Variants in STXBP5L observed in about 807,000 individuals in gnomAD.
The protein encoded by STXBP5L is syntaxin-binding protein 5-like.
Under a neutral mutation model 144.5 loss-of-function variants are expected in STXBP5L, and 65 were observed. That is an observed-to-expected ratio of 0.45 (90% CI 0.37 to 0.55). STXBP5L has a LOEUF of 0.55. Among genes scored for constraint, STXBP5L ranks in the 20% least tolerant of loss-of-function variants. The pLI is 0.00. For synonymous variants in STXBP5L, 505 were observed against 469.6 expected (o/e 1.08, Z -0.97); for missense variants, 1,298 against 1,405.5 (o/e 0.92, Z 1.22).
At chr3:121,197,715 T>C (rs1347972483) in intron 9 of STXBP5L, among the ~76,000 whole-genome samples, 1 of 152,132 alleles carries the variant, frequency 6.6e-6, no homozygotes, top group Non-Finnish European at 1.5e-5. Flanking sequence ...CCATGTGTTC[T>C]CATTGTCCAA....
rs986932215 is a variant in STXBP5L, at chr3:120,927,658, T to G, written c.189+17891T>G. On this transcript the variant is annotated intron_variant, in intron 2 of 26. Transcript: ENST00000471454. ...TGGGATCACAGATATGGAAATCTTA[T>G]TCTCTTTACTGTCTGCTTGGAGTTT... is the stretch of plus-strand genomic sequence containing the variant. 4.9e-4 allele frequency among the ~76,000 whole-genome samples: 75 copies of G among 152,200 alleles called. 1 individual carries two copies. Among genetic ancestry groups the G allele is most frequent in the African/African-American group, 1.8e-3 (73 of 41,448 alleles).
At chr3:121,295,026 A>G (rs2051593364) in intron 19 of STXBP5L, among the ~76,000 whole-genome samples, 1 of 152,182 alleles carries the variant, frequency 6.6e-6, no homozygotes, top group Non-Finnish European at 1.5e-5. Flanking sequence ...CTTTAAAGAT[A>G]TTTGGTTATG....
chr3:121,286,876 G>C (rs991007701), intron 19 of STXBP5L, among the ~76,000 whole-genome samples: 1 of 152,068 alleles, frequency 6.6e-6, no homozygotes, highest in Non-Finnish European at 1.5e-5. Context: ...ACAATCACAC[G>C]CATTTACTAT....
chr3:121,082,320 T>G (rs1269944330), intron 5 of STXBP5L, among the ~76,000 whole-genome samples: 2 of 152,266 alleles, frequency 1.3e-5, no homozygotes, highest in Middle Eastern at 3.4e-3. Flanking sequence ...ATACAAATCA[T>G]GTACATGTCA....
chr3:121,409,694 C>G (rs1210875163), intron 23 of STXBP5L, among the ~76,000 whole-genome samples: 3 of 151,886 alleles, frequency 2.0e-5, no homozygotes, highest in Admixed American at 6.6e-5. Flanking sequence ...TTTTAAATGT[C>G]AATGCCCATA....
At chr3:120,990,369 A>C (rs1043899318) in intron 3 of STXBP5L, among the ~76,000 whole-genome samples, 12 of 152,216 alleles carry the variant, frequency 7.9e-5, no homozygotes, top group African/African-American at 2.7e-4. Context: ...TATCGTGAAA[A>C]TGGCCATACT....
intron 20 of STXBP5L, among the ~76,000 whole-genome samples, chr3:121,344,205 G>C (rs556513311): frequency 1.6e-4 from 24 of 152,194 alleles, no homozygotes; most frequent in Admixed American, 4.6e-4. Context: ...TATGTAGAAA[G>C]CTGAAACTGG....
At chr3:120,969,633 G>T (rs759702432) in intron 3 of STXBP5L, among the ~76,000 whole-genome samples, 3 of 151,702 alleles carry the variant, frequency 2.0e-5, no homozygotes, top group African/African-American at 7.3e-5. Context: ...AATGTCTTGA[G>T]GAGTTTTTCC....
intron 5 of STXBP5L, among the ~76,000 whole-genome samples, chr3:121,090,470 T>C (rs1269190625): frequency 6.6e-6 from 1 of 152,130 alleles, no homozygotes; most frequent in Non-Finnish European, 1.5e-5. Flanking sequence ...ATTTTATCCA[T>C]ATAGATGTAG....
At chr3:121,152,010 G>A (rs1042610317) in intron 7 of STXBP5L, among the ~76,000 whole-genome samples, 2 of 151,714 alleles carry the variant, frequency 1.3e-5, no homozygotes, top group African/African-American at 4.8e-5. Context: ...AATCTTCAGA[G>A]GGTTCATAAA....
Position 121,097,859 on chromosome 3 carries a change from TA to T in STXBP5L, c.471-17065del, listed in dbSNP as rs2043209470. Among the ~76,000 whole-genome samples, 4 of 152,198 alleles carry T rather than the reference TA, an allele frequency of 2.6e-5. No individual in the cohort carries two copies. The South Asian group carries it at 8.3e-4, about 31-fold the overall frequency. ...TGTGATCTAATACAATGGATGCCATTACTGAATATATTATACTTAAGATTAC... is the reference window on the plus strand; with the variant it reads ...TGTGATCTAATACAATGGATGCCATTCTGAATATATTATACTTAAGATTAC... On this transcript the variant is annotated intron_variant, in intron 5 of 26. Transcript: ENST00000471454.
chr3:120,978,988 G>C (rs998474126), intron 3 of STXBP5L, among the ~76,000 whole-genome samples: 2 of 152,136 alleles, frequency 1.3e-5, no homozygotes, highest in Admixed American at 6.6e-5. Context: ...CTGCTTGGGG[G>C]TCAGGGGTCA....
intron 19 of STXBP5L, among the ~76,000 whole-genome samples, chr3:121,281,782 C>G: frequency 6.6e-6 from 1 of 151,744 alleles, no homozygotes; most frequent in Non-Finnish European, 1.5e-5. Flanking sequence ...GTTTAGTGTA[C>G]AAGATGACAC....
intron 19 of STXBP5L, among the ~76,000 whole-genome samples, chr3:121,291,574 A>G (rs1017594996): frequency 6.6e-6 from 1 of 152,030 alleles, no homozygotes; most frequent in African/African-American, 2.4e-5. Context: ...TCATTCACAC[A>G]GTACCAAAAA....
At chr3:121,051,665 A>C (rs1379100135) in intron 5 of STXBP5L, among the ~76,000 whole-genome samples, 2 of 152,104 alleles carry the variant, frequency 1.3e-5, no homozygotes, top group African/African-American at 4.8e-5. Context: ...CCTAACATCA[A>C]AATTAATAGA....
chr3:121,319,019 T>C (rs537824222), intron 20 of STXBP5L, among the ~76,000 whole-genome samples: 1 of 152,034 alleles, frequency 6.6e-6, no homozygotes, highest in Admixed American at 6.6e-5. Flanking sequence ...CAAGACAAAG[T>C]GTGCACCCAT....
intron 20 of STXBP5L, among the ~76,000 whole-genome samples, chr3:121,373,764 G>T (rs886409617): frequency 1.3e-5 from 2 of 152,124 alleles, no homozygotes; most frequent in Non-Finnish European, 2.9e-5. Flanking sequence ...TGGGCCATTT[G>T]GCTCACTACT....
intron 14 of STXBP5L, among the ~76,000 whole-genome samples, chr3:121,242,985 G>T (rs183285233): frequency 6.6e-6 from 1 of 152,146 alleles, no homozygotes; most frequent in Non-Finnish European, 1.5e-5. Flanking sequence ...ATTGAAATGG[G>T]TAAGAAAAGC....
chr3:121,316,965 C>T (rs1352071851), intron 19 of STXBP5L, among the ~76,000 whole-genome samples: 3 of 152,200 alleles, frequency 2.0e-5, no homozygotes, highest in African/African-American at 7.2e-5. Context: ...AGTCAGTACA[C>T]TTTCAAGGAG....
Sources: allele counts gnomAD v4.1 joint callset (sites outside exome capture counted in the v4.1 genomes callset), GRCh38; gene constraint gnomAD v4.1.1; transcripts MANE v1.5; gene names NCBI Gene and HGNC (gene_info 2026-07-23, HGNC 2026-07-21).